Variants in ZDHHC11B observed in about 807,000 individuals in gnomAD.
ZDHHC11B encodes zDHHC palmitoyltransferase 11B (putative), also known as probable palmitoyltransferase ZDHHC11B.
A neutral mutation model predicts 42.3 loss-of-function variants in ZDHHC11B; 17 were observed. The ratio of observed to expected loss-of-function variants is 0.40; its 90% CI spans 0.27 to 0.60. The LOEUF (loss-of-function observed/expected upper bound fraction) is 0.60. Ranked by LOEUF, ZDHHC11B falls within the 20% of genes least tolerant of loss-of-function variation. The pLI is 0.41. For missense variants in ZDHHC11B, 262 were observed against 463.2 expected (o/e 0.57, Z 3.99); for synonymous variants, 123 against 193.5 (o/e 0.64, Z 3.02).
At chr5:737,286 A>G (rs1196613463) in intron 10 of ZDHHC11B, among the ~76,000 whole-genome samples, 2 of 148,084 alleles carry the variant, frequency 1.4e-5, no homozygotes, top group Non-Finnish European at 1.5e-5. Context: ...CTCGTAACAG[A>G]TTAATAACAA....
intron 7 of ZDHHC11B, among the ~76,000 whole-genome samples, chr5:749,678 A>G (rs661925): frequency 6.2e-5 from 8 of 129,878 alleles, no homozygotes; most frequent in African/African-American, 2.0e-4. Context: ...AACTCACACA[A>G]AGACACTGGC....
At chr5:774,592 A>T (rs371641993) in intron 1 of ZDHHC11B, among the ~76,000 whole-genome samples, 2,851 of 35,542 alleles carry the variant, frequency 0.08, 3 homozygotes, top group African/African-American at 0.2. Flanking sequence ...CACTAGGGCC[A>T]GGGGTCTGCC....
chr5:779,824 A>G (rs1736831557), intron 1 of ZDHHC11B, among the ~76,000 whole-genome samples: 1 of 151,210 alleles, frequency 6.6e-6, no homozygotes, highest in African/African-American at 2.4e-5. Flanking sequence ...TTGAAAAAAT[A>G]TCATCAAGAG....
intron 6 of ZDHHC11B, among the ~76,000 whole-genome samples, chr5:752,204 G>A (rs1445858260): frequency 1.1e-5 from 1 of 89,938 alleles, no homozygotes; most frequent in Non-Finnish European, 2.5e-5. Context: ...GGGCCTGCAG[G>A]CTCAGGGACC....
chr5:718,496 A>T (rs1741934612), intron 12 of ZDHHC11B, among the ~76,000 whole-genome samples: 1 of 151,506 alleles, frequency 6.6e-6, no homozygotes, highest in African/African-American at 2.4e-5. Flanking sequence ...ACATGGTGAA[A>T]CTCTGTCTCT....
At chr5:777,845 C>G (rs528521360) in intron 1 of ZDHHC11B, among the ~76,000 whole-genome samples, 1 of 152,078 alleles carries the variant, frequency 6.6e-6, no homozygotes, top group South Asian at 2.1e-4. Flanking sequence ...AGCCCTTGGG[C>G]GGTCCATGGG....
chr5:716,431 T>A (rs1741756460), intron 13 of ZDHHC11B, among the ~76,000 whole-genome samples: 2 of 151,828 alleles, frequency 1.3e-5, no homozygotes, highest in South Asian at 4.2e-4. Flanking sequence ...ATCAGAGGCA[T>A]CTAATCAGAA....
At chr5:777,372 C>T (rs575833040) in intron 1 of ZDHHC11B, among the ~76,000 whole-genome samples, 48 of 151,922 alleles carry the variant, frequency 3.2e-4, no homozygotes, top group African/African-American at 1.2e-3. Flanking sequence ...TGTTCGCTCC[C>T]TCCGGTGGGC....
intron 9 of ZDHHC11B, among the ~76,000 whole-genome samples, chr5:743,686 C>A (rs570830542): frequency 1.3e-5 from 2 of 149,788 alleles, no homozygotes; most frequent in African/African-American, 4.9e-5. Flanking sequence ...AAATATAACC[C>A]GGAGTTTTCA....
chr5:750,382 G>A (rs1416774179), intron 7 of ZDHHC11B, among the ~76,000 whole-genome samples: 3 of 141,656 alleles, frequency 2.1e-5, no homozygotes, highest in Admixed American at 7.2e-5. Flanking sequence ...GGGCGACCCC[G>A]GGCTGTGGCT....
At chr5:753,135 C>A (rs1746009746) in intron 6 of ZDHHC11B, among the ~76,000 whole-genome samples, 1 of 129,694 alleles carries the variant, frequency 7.7e-6, no homozygotes, top group African/African-American at 2.5e-5. Flanking sequence ...TTCCGTCCCC[C>A]TTCCTCTCTT....
At chr5:775,967 C>T (rs796629392) in intron 1 of ZDHHC11B, among the ~76,000 whole-genome samples, 51,484 of 119,566 alleles carry the variant, frequency 0.43, 8,879 homozygotes, top group Admixed American at 0.46. Context: ...CCAGGAACCC[C>T]TGGGGGTCCC....
At chr5:717,410 C>T (rs926602204) in intron 12 of ZDHHC11B, among the ~76,000 whole-genome samples, 1 of 151,732 alleles carries the variant, frequency 6.6e-6, no homozygotes, top group African/African-American at 2.4e-5. Flanking sequence ...TGTTGCTGCC[C>T]AGACTTTCCA....
intron 4 of ZDHHC11B, among the ~76,000 whole-genome samples, chr5:762,395 A>G (rs1441824742): frequency 2.6e-5 from 4 of 151,830 alleles, no homozygotes; most frequent in Non-Finnish European, 5.9e-5. Flanking sequence ...GTCAGCACCC[A>G]CGTCTCTCAC....
intron 4 of ZDHHC11B, among the ~76,000 whole-genome samples, chr5:758,975 G>C (rs1341504174): frequency 6.6e-6 from 1 of 151,872 alleles, no homozygotes; most frequent in African/African-American, 2.4e-5. Context: ...TCCTGAGCTG[G>C]CGGGGAGCCC....
At chr5:777,252 C>T (rs1462845166) in intron 1 of ZDHHC11B, among the ~76,000 whole-genome samples, 5 of 151,950 alleles carry the variant, frequency 3.3e-5, no homozygotes, top group African/African-American at 1.2e-4. Context: ...TTCAAGGTGA[C>T]GCCTCTGGAG....
intron 13 of ZDHHC11B, among the ~76,000 whole-genome samples, chr5:715,298 T>C (rs1233605353): frequency 7.3e-5 from 11 of 150,310 alleles, no homozygotes; most frequent in African/African-American, 2.7e-4. Flanking sequence ...TGCAAGTTGA[T>C]GCTTCGGCCA....
intron 4 of ZDHHC11B, among the ~76,000 whole-genome samples, chr5:764,505 G>C (rs1735022463): frequency 6.6e-6 from 1 of 151,932 alleles, no homozygotes; most frequent in Admixed American, 6.6e-5. Context: ...TTAGCACCTA[G>C]GCCAGCAGCT....
intron 10 of ZDHHC11B, among the ~76,000 whole-genome samples, chr5:738,887 G>A (rs1279330783): frequency 2.7e-5 from 4 of 150,874 alleles, no homozygotes; most frequent in South Asian, 2.1e-4. Context: ...AGCTCATGAC[G>A]AAGAATCCAA....
Sources: allele counts gnomAD v4.1 joint callset (sites outside exome capture counted in the v4.1 genomes callset), GRCh38; gene constraint gnomAD v4.1.1; transcripts MANE v1.5; gene names NCBI Gene and HGNC (gene_info 2026-07-23, HGNC 2026-07-21).